ANKS1B: variants seen among roughly 807,000 people sequenced by gnomAD.
The protein encoded by ANKS1B is ankyrin repeat and sterile alpha motif domain containing 1B.
In ANKS1B, 36 loss-of-function variants were observed where a neutral mutation model predicts 148.3. The ratio of observed to expected loss-of-function variants is 0.24; its 90% CI spans 0.19 to 0.32. The LOEUF (loss-of-function observed/expected upper bound fraction) is 0.32, where lower values mean the gene tolerates loss of function less well. ANKS1B is among the 10% of genes least tolerant of loss of function. The pLI is 1.00. For missense variants in ANKS1B, 1,157 were observed against 1,542.6 expected, an observed-to-expected ratio of 0.75 and a Z score of 4.19; for synonymous variants, 542 against 560.8, an observed-to-expected ratio of 0.97 and a Z score of 0.47.
intron 2 of ANKS1B, among the ~76,000 whole-genome samples, chr12:99,813,684 A>C (rs2068722829): frequency 6.6e-6 from 1 of 151,708 alleles, no homozygotes; most frequent in Non-Finnish European, 1.5e-5. Context: ...AGAAATCATG[A>C]TTTTAAAAAA....
chr12:98,797,832 A>G (rs1032671974), intron 22 of ANKS1B, among the ~76,000 whole-genome samples: 5 of 152,236 alleles, frequency 3.3e-5, no homozygotes, highest in African/African-American at 1.2e-4. Flanking sequence ...AAAGCTGCTC[A>G]TATAAAATAA....
rs558858847 is a variant in ANKS1B at position 98,779,073 on chromosome 12, A to T, written c.3441+2044T>A. ...TTTGCCTTTGCTCTAGATTCTGAAAATATGTTGAGGACCACACTGCAAAGA... is the reference window on the plus strand; with the variant it reads ...TTTGCCTTTGCTCTAGATTCTGAAATTATGTTGAGGACCACACTGCAAAGA... On this transcript the variant is annotated intron_variant, in intron 24 of 26. Coordinates refer to ENST00000683438, the MANE Select transcript of ANKS1B (RefSeq NM_001352186.2). 1.8e-4 allele frequency among the ~76,000 whole-genome samples: 27 copies of T among 152,332 alleles called. No individual in the cohort carries two copies. In the South Asian group the frequency reaches 5.4e-3, roughly 30 times the overall value.
intron 8 of ANKS1B, among the ~76,000 whole-genome samples, chr12:99,661,909 C>T (rs2098479396): frequency 6.6e-6 from 1 of 152,152 alleles, no homozygotes; most frequent in African/African-American, 2.4e-5. Context: ...CCTTCCTCTT[C>T]CTGCTGATTG....
intron 17 of ANKS1B, among the ~76,000 whole-genome samples, chr12:98,958,670 CAG>C (rs1217181685): frequency 5.3e-4 from 80 of 152,226 alleles, no homozygotes; most frequent in African/African-American, 1.6e-3. Flanking sequence ...CAGTGATTGT[CAG>C]AGTTATAAAA....
intron 12 of ANKS1B, among the ~76,000 whole-genome samples, chr12:99,269,647 G>A (rs1000948008): frequency 6.6e-6 from 1 of 152,012 alleles, no homozygotes; most frequent in African/African-American, 2.4e-5. Flanking sequence ...CAAGCTCCGC[G>A]TCCCGGGTTC....
intron 9 of ANKS1B, among the ~76,000 whole-genome samples, chr12:99,617,577 G>C (rs952077791): frequency 1.3e-5 from 2 of 152,088 alleles, no homozygotes; most frequent in African/African-American, 4.8e-5. Flanking sequence ...TCATAAATGG[G>C]AGTTGAACAA....
chr12:99,783,673 A>G (rs1182895885), intron 4 of ANKS1B, among the ~76,000 whole-genome samples: 1 of 152,170 alleles, frequency 6.6e-6, no homozygotes, highest in Non-Finnish European at 1.5e-5. Flanking sequence ...GTGAGCTAAA[A>G]AAGTTGGACC....
intron 12 of ANKS1B, among the ~76,000 whole-genome samples, chr12:99,326,826 TGA>T (rs1385432984): frequency 1.3e-5 from 2 of 151,098 alleles, no homozygotes; most frequent in South Asian, 2.1e-4. Flanking sequence ...GTAATTGTGC[TGA>T]GAGAGTTTTC....
intron 1 of ANKS1B, among the ~76,000 whole-genome samples, chr12:99,836,621 A>G (rs2084898113): frequency 6.6e-6 from 1 of 152,186 alleles, no homozygotes; most frequent in Non-Finnish European, 1.5e-5. Context: ...GAATTTTAGA[A>G]TATGAAAAGA....
intron 8 of ANKS1B, among the ~76,000 whole-genome samples, chr12:99,697,987 A>C (rs905487982): frequency 2.6e-5 from 4 of 152,142 alleles, no homozygotes; most frequent in African/African-American, 9.7e-5. Flanking sequence ...GGCAGAAAAC[A>C]TAGGAAGGAT....
At chr12:98,835,081 A>C (rs1258225591) in intron 17 of ANKS1B, among the ~76,000 whole-genome samples, 1 of 147,868 alleles carries the variant, frequency 6.8e-6, no homozygotes, top group African/African-American at 2.5e-5. Context: ...GTTTTTTATA[A>C]TAAAGACATT....
At chr12:99,695,069 C>T (rs1160038953) in intron 8 of ANKS1B, among the ~76,000 whole-genome samples, 1 of 147,692 alleles carries the variant, frequency 6.8e-6, no homozygotes, top group Non-Finnish European at 1.5e-5. Flanking sequence ...AGGAATATCT[C>T]AAAGTGGGGG....
intron 17 of ANKS1B, among the ~76,000 whole-genome samples, chr12:98,908,200 T>C (rs555011920): frequency 6.6e-6 from 1 of 152,278 alleles, no homozygotes. Flanking sequence ...GAGATTGACT[T>C]CCCTGTCCCT....
chr12:99,370,913 G>C (rs946185318), intron 12 of ANKS1B, among the ~76,000 whole-genome samples: 1 of 152,152 alleles, frequency 6.6e-6, no homozygotes, highest in Admixed American at 6.6e-5. Context: ...GTTCAGATGA[G>C]AGGACAGATT....
chr12:99,055,510 TGAG>T (rs1231239542), intron 16 of ANKS1B, among the ~76,000 whole-genome samples: 1 of 152,170 alleles, frequency 6.6e-6, no homozygotes, highest in African/African-American at 2.4e-5. Context: ...AACACTCTTT[TGAG>T]GAAGCAATTA....
chr12:99,715,269 G>A (rs1187851681), intron 8 of ANKS1B, among the ~76,000 whole-genome samples: 1 of 152,108 alleles, frequency 6.6e-6, no homozygotes, highest in African/African-American at 2.4e-5. Flanking sequence ...CTTAACTGAT[G>A]ACATTCCACC....
At chr12:99,215,487 C>T (rs924843627) in intron 14 of ANKS1B, among the ~76,000 whole-genome samples, 1 of 152,214 alleles carries the variant, frequency 6.6e-6, no homozygotes, top group Admixed American at 6.5e-5. Flanking sequence ...ACATTCAACA[C>T]CAGCCTGTGA....
At chr12:99,622,681 C>T (rs2098068600) in intron 9 of ANKS1B, among the ~76,000 whole-genome samples, 1 of 151,830 alleles carries the variant, frequency 6.6e-6, no homozygotes, top group Non-Finnish European at 1.5e-5. Flanking sequence ...CACACAACCT[C>T]CCAAAATTGA....
At position 99,008,116 on chromosome 12, in the gene ANKS1B, C is replaced by G. The variant is rs563028041; in HGVS notation, c.2778+45041G>C. On this transcript the variant is annotated intron_variant, in intron 17 of 26. Transcript: ENST00000683438. ...GTCCTGAAAAGGTATCTGGTGGGTGCTGTGTTTGTAATAAGATACTTAGCA... is the reference window on the plus strand; with the variant it reads ...GTCCTGAAAAGGTATCTGGTGGGTGGTGTGTTTGTAATAAGATACTTAGCA... Among the ~76,000 whole-genome samples, 4 of 152,218 alleles carry G rather than the reference C, an allele frequency of 2.6e-5. No homozygotes were observed. In the South Asian group the frequency reaches 6.2e-4, roughly 24 times the overall value.
Sources: allele counts gnomAD v4.1 joint callset (sites outside exome capture counted in the v4.1 genomes callset), GRCh38; gene constraint gnomAD v4.1.1; transcripts MANE v1.5; gene names NCBI Gene and HGNC (gene_info 2026-07-23, HGNC 2026-07-21).